Variants in OS9 observed in about 807,000 individuals in gnomAD.
OS9 encodes the protein OS9 endoplasmic reticulum lectin.
OS9 carries 58 observed loss-of-function variants against 84.7 expected under a neutral mutation model. That is an observed-to-expected ratio of 0.68 (90% CI 0.55 to 0.85). OS9 has a LOEUF of 0.85. Ranked by LOEUF, OS9 falls within the 40% of genes least tolerant of loss-of-function variation. The probability of loss-of-function intolerance (pLI) is 0.00; values close to 1 mark genes in which losing one functional copy is unlikely to be tolerated. For missense variants in OS9, 760 were observed against 850.9 expected (o/e 0.89, Z 1.33); for synonymous variants, 278 against 320.8 (o/e 0.87, Z 1.43).
At chr12:57,716,018 G>A in intron 6 of OS9, 48 bp downstream of exon 6, 1 of 1,601,976 alleles carries the variant, frequency 6.2e-7, no homozygotes, top group Non-Finnish European at 8.6e-7. Flanking sequence ...CGGGGGCAGG[G>A]GGTGGCAAAA....
intron 5 of OS9, among the ~76,000 whole-genome samples, chr12:57,714,042 G>A (rs1034910604): frequency 6.6e-6 from 1 of 151,922 alleles, no homozygotes; most frequent in Non-Finnish European, 1.5e-5. Context: ...AGGAGGTTGA[G>A]GCTTCAGTGA....
chr12:57,700,100 AAAAAAAAGAAAAG>A (rs1369047976), intron 5 of OS9, among the ~76,000 whole-genome samples: 2 of 152,014 alleles, frequency 1.3e-5, no homozygotes, highest in African/African-American at 2.4e-5. Flanking sequence ...CTCAAAAAAG[AAAAAAAAGAAAAG>A]AAAAAAAGAA....
chr12:57,720,552 A>G (rs1227494509), intron 14 of OS9, 34 bp downstream of exon 14: 3 of 1,500,576 alleles, frequency 2.0e-6, no homozygotes, highest in Admixed American at 1.7e-5. Context: ...CCTGGCCCCC[A>G]GCCCTCCTGG....
In OS9 at chr12:57,694,747, C is replaced by G; in HGVS notation, c.163-3C>G. The G allele has an allele frequency of 6.2e-7, 1 of 1,613,440 alleles. No homozygotes were observed. The highest frequency in any genetic ancestry group is 8.5e-7 in the Non-Finnish European group (1 of 1,179,892). On this transcript the variant is annotated splice_region_variant and splice_polypyrimidine_tract_variant and intron_variant, in intron 1 of 14. Transcript: ENST00000315970. ...TGCCCCCCGACCCTCCCTTCTTTCC[C>G]AGAGCCAATCTTCGGACGTGGTGAT...
intron 5 of OS9, among the ~76,000 whole-genome samples, chr12:57,711,084 C>G (rs1012581771): frequency 1.4e-5 from 2 of 146,538 alleles, no homozygotes; most frequent in Non-Finnish European, 3.0e-5. Flanking sequence ...TCCTCCCATA[C>G]TTGTCTCTCA....
intron 5 of OS9, among the ~76,000 whole-genome samples, chr12:57,704,513 G>C (rs529093272): frequency 5.3e-5 from 8 of 151,472 alleles, no homozygotes; most frequent in Admixed American, 4.6e-4. Context: ...CTCCAACCTG[G>C]GTGACAGAGC....
rs2140343243 is a variant in OS9 at position 57,721,234 on chromosome 12, T to C, written c.*325T>C. The C allele has an allele frequency of 3.5e-6, 1 of 288,306 alleles. No individual in the cohort carries two copies. Among genetic ancestry groups the C allele is most frequent in the East Asian group, 1.1e-4 (1 of 9,298 alleles). The allele number at this position is 288,306 out of a possible 1,614,324, so 17.9% of individuals were successfully genotyped here. The stretch of plus-strand genomic sequence containing the variant: ...CTGCCTACCTGGAGATTCAGTAGGA[T>C]CTTTTGAGTGGAGGTGGGTAGAGAG... On this transcript the variant is annotated 3_prime_UTR_variant, in exon 15 of 15. Transcript: ENST00000315970.
intron 5 of OS9, among the ~76,000 whole-genome samples, chr12:57,697,796 G>A (rs1006593872): frequency 6.6e-6 from 1 of 151,542 alleles, no homozygotes; most frequent in Admixed American, 6.6e-5. Context: ...ATCTTTAAAT[G>A]ATTGGCCCCA....
intron 2 of OS9, chr12:57,695,487 C>T (rs1953798292): frequency 1.6e-6 from 1 of 606,224 alleles, no homozygotes; most frequent in Non-Finnish European, 3.0e-6. Flanking sequence ...TTCAGGGATA[C>T]CATAATTTCT....
chr12:57,719,190 C>T lies in OS9; in HGVS notation c.1600+8C>T, dbSNP rs768929521. On this transcript the variant is annotated splice_region_variant and intron_variant, in intron 12 of 14. Transcript: ENST00000315970. ...CATCACCCCAACCTACAGGTGAGAG[C>T]AGTCAGACAAGAAAGAGTAGCCCAG... 1.3e-5 allele frequency: 21 copies of T among 1,611,528 alleles called. No homozygotes were observed. Among genetic ancestry groups the T allele is most frequent in the Non-Finnish European group, 1.8e-5 (21 of 1,178,420 alleles).
chr12:57,716,419 C>A lies in OS9; in HGVS notation c.900C>A (p.Ser300Arg), dbSNP rs1382096785. The A allele has an allele frequency of 1.9e-6, 3 of 1,555,576 alleles. No individual in the cohort carries two copies. The African/African-American group carries it at 4.1e-5, about 21-fold the overall frequency. The change falls in exon 8 of 15, where the codon AGC becomes AGA. Residue 300 changes from serine (S) to arginine (R), a missense_variant. By Grantham distance (110) the Ser-to-Arg change is moderately radical. Transcript: ENST00000315970. ...CTGTTCTCTGTACCCTAGGTGCGAG[C>A]CCGACCAAGGATGACAGTAAGGACT... ...GVAPQKMAGA[S>R]PTKDDSKDSD...
intron 5 of OS9, among the ~76,000 whole-genome samples, chr12:57,708,609 AAG>A: frequency 6.6e-6 from 1 of 151,950 alleles, no homozygotes; most frequent in African/African-American, 2.4e-5. Context: ...GCCTGAGCAA[AAG>A]AGTGACACTG....
Position 57,718,085 on chromosome 12 carries a change from C to T in OS9, c.1135-61C>T. The T allele has an allele frequency of 3.2e-6, 5 of 1,572,070 alleles. 1 individual carries two copies. The South Asian group carries it at 5.8e-5, about 18-fold the overall frequency. On this transcript the variant is annotated intron_variant, in intron 10 of 14. Coordinates refer to ENST00000315970, the MANE Select transcript of OS9 (RefSeq NM_006812.4). ...ACACACCTGCTACTGTTTGTCTGCC[C>T]CCGACCATGTGTCTCTGTTGAAACC...
Position 57,694,334 on chromosome 12 carries a change from T to C in OS9, c.162+11T>C, listed in dbSNP as rs1712449382. On this transcript the variant is annotated intron_variant, in intron 1 of 14. Transcript: ENST00000315970. The stretch of plus-strand genomic sequence containing the variant: ...GTCATGGGAGGGCAGGTGAGAGGCG[T>C]ATAAGGGGCGAGGGTCTGGGCAGAA... The C allele has an allele frequency of 6.2e-7, 1 of 1,613,244 alleles. No individual in the cohort carries two copies. Among genetic ancestry groups the C allele is most frequent in the Admixed American group, 1.7e-5 (1 of 59,948 alleles).
chr12:57,714,968 CCT>C (rs1954440062), intron 5 of OS9, among the ~76,000 whole-genome samples: 1 of 152,062 alleles, frequency 6.6e-6, no homozygotes, highest in African/African-American at 2.4e-5. Flanking sequence ...ATCTCTTTAC[CCT>C]CTTTCTGAAT....
rs1415354972 is a variant in OS9, at chr12:57,715,853, C to A, written c.673C>A (p.Pro225Thr). 4 of 1,613,794 alleles carry A rather than the reference C, an allele frequency of 2.5e-6. No individual in the cohort carries two copies. The highest frequency in any genetic ancestry group is 3.3e-4 in the Middle Eastern group (2 of 6,084). ...SCSYVLTIRT[P>T]RLCPHPLLRP... The stretch of plus-strand genomic sequence containing the variant: ...CTCTTATGTGCTGACCATTCGCACT[C>A]CTCGGCTCTGCCCCCACCCTCTCCT... Residue 225 changes from proline (P) to threonine (T), a missense_variant, in exon 6 of 15, where the codon CCT becomes ACT. Transcript: ENST00000315970.
At chr12:57,694,429 G>A in intron 1 of OS9, 106 bp downstream of exon 1, 1 of 1,202,530 alleles carries the variant, frequency 8.3e-7, no homozygotes, top group Non-Finnish European at 1.2e-6. Context: ...ACGGGGAATC[G>A]GGAAGAGTAG....
At chr12:57,712,885 T>C (rs971384350) in intron 5 of OS9, among the ~76,000 whole-genome samples, 1 of 151,996 alleles carries the variant, frequency 6.6e-6, no homozygotes, top group Admixed American at 6.6e-5. Context: ...GTTTCTTTCA[T>C]GAATTTGTTA....
intron 14 of OS9, 84 bp downstream of exon 14, chr12:57,720,602 G>A: frequency 7.7e-7 from 1 of 1,296,476 alleles, no homozygotes; most frequent in Non-Finnish European, 1.1e-6. Context: ...CCATTGCTGA[G>A]CTTCCATTTC....
Sources: allele counts gnomAD v4.1 joint callset (sites outside exome capture counted in the v4.1 genomes callset), GRCh38; gene constraint gnomAD v4.1.1; transcripts MANE v1.5; gene names NCBI Gene and HGNC (gene_info 2026-07-23, HGNC 2026-07-21).